Variants in ESPNL observed in about 807,000 individuals in gnomAD.
ESPNL encodes espin like, also known as espin-like protein.
Under a neutral mutation model 46.8 loss-of-function variants are expected in ESPNL, and 49 were observed. That is an observed-to-expected ratio of 1.05 (90% CI 0.83 to 1.33). The LOEUF (loss-of-function observed/expected upper bound fraction) is 1.33, where lower values mean the gene tolerates loss of function less well. Ranked by LOEUF, ESPNL falls within the 40% of genes most tolerant of loss-of-function variation. ESPNL has a pLI of 0.00. For synonymous variants in ESPNL, 664 were observed against 662.1 expected (o/e 1.00, Z -0.04); for missense variants, 1,540 against 1,436.6 (o/e 1.07, Z -1.16).
Position 238,100,694 on chromosome 2 carries a change from A to T in ESPNL, c.275A>T (p.Glu92Val). 7.0e-7 allele frequency: 1 copy of T among 1,429,224 alleles called. No homozygotes were observed. Among genetic ancestry groups the T allele is most frequent in the South Asian group, 1.5e-5 (1 of 66,758 alleles). 88.5% of individuals were successfully genotyped at this position (1,429,224 alleles called of 1,614,324 possible). Residue 92 changes from glutamate to valine, a missense_variant, in exon 1 of 9, where the codon GAG becomes GTG. Physicochemically the swap from Glu to Val is moderately radical, Grantham distance 121. Coordinates refer to ENST00000343063, the MANE Select transcript of ESPNL (RefSeq NM_194312.4). ...SLAELCWLVREGGCGLQDQDA... is the reference protein window; with the variant it reads ...SLAELCWLVRVGGCGLQDQDA... Reference sequence around the variant, plus strand: ...GCCGAGCTGTGCTGGCTGGTCCGCGAGGGGGGCTGCGGTCTGCAGGTGAGC... The same window carrying T: ...GCCGAGCTGTGCTGGCTGGTCCGCGTGGGGGGCTGCGGTCTGCAGGTGAGC...
At position 238,130,381 on chromosome 2, in the gene ESPNL, C is replaced by A; in HGVS notation, c.1667C>A (p.Pro556His). The change falls in exon 9 of 9, where the codon CCC (proline) becomes CAC (histidine). Residue 556 changes from proline to histidine, a missense_variant. Coordinates refer to ENST00000343063, the MANE Select transcript of ESPNL (RefSeq NM_194312.4). ...VSITVNSHFL[P>H]RAPGLEVEEA... The stretch of plus-strand genomic sequence containing the variant: ...ATCACGGTCAACAGCCACTTCCTGC[C>A]CCGGGCGCCCGGACTGGAGGTTGAG... 1 of 1,610,794 alleles carries A rather than the reference C, an allele frequency of 6.2e-7. No homozygotes were observed. Among genetic ancestry groups the A allele is most frequent in the Non-Finnish European group, 8.5e-7 (1 of 1,179,156 alleles).
rs557466905 is a variant in ESPNL at position 238,110,929 on chromosome 2, A to G, written c.855+2956A>G. On this transcript the variant is annotated intron_variant, in intron 4 of 8. Coordinates refer to ENST00000343063, the MANE Select transcript of ESPNL (RefSeq NM_194312.4). Reference sequence around the variant, plus strand: ...TTACTTTTAATAGGTTTTGTGTTTCAGTATATCACATTAGTTATTCTTTTT... The same window carrying G: ...TTACTTTTAATAGGTTTTGTGTTTCGGTATATCACATTAGTTATTCTTTTT... Among the ~76,000 whole-genome samples, 4 of 151,030 alleles carry G rather than the reference A, an allele frequency of 2.6e-5. No homozygotes were observed. In the East Asian group the frequency reaches 5.8e-4, roughly 22 times the overall value.
chr2:238,105,099 C>T (rs1013057116), intron 3 of ESPNL, among the ~76,000 whole-genome samples: 2 of 152,150 alleles, frequency 1.3e-5, no homozygotes, highest in Non-Finnish European at 2.9e-5. Context: ...TAGTCCCTCT[C>T]TCCCTGGAAG....
chr2:238,129,140 C>G, intron 8 of ESPNL: 1 of 1,396,604 alleles, frequency 7.2e-7, no homozygotes, highest in Non-Finnish European at 9.3e-7. Flanking sequence ...TTCCACTTGG[C>G]GGATTTGTGG....
intron 7 of ESPNL, 37 bp from the exon 8 acceptor site, chr2:238,128,670 C>T (rs771116621): frequency 3.9e-6 from 6 of 1,549,854 alleles, no homozygotes; most frequent in Non-Finnish European, 4.4e-6. Flanking sequence ...GGCCTGGGTC[C>T]CCTTCGGGCC....
chr2:238,122,774 C>T (rs1391127981), intron 5 of ESPNL, among the ~76,000 whole-genome samples: 1 of 152,196 alleles, frequency 6.6e-6, no homozygotes. Flanking sequence ...TTGGTCCTGG[C>T]TGGGCAGGGG....
At chr2:238,118,169 G>T (rs1486772799) in intron 5 of ESPNL, among the ~76,000 whole-genome samples, 3 of 144,712 alleles carry the variant, frequency 2.1e-5, no homozygotes, top group Admixed American at 2.0e-4. Flanking sequence ...AGGAGGAATG[G>T]ATGGAGGAAT....
In ESPNL at chr2:238,131,658, A is replaced by C. The variant is rs762474579; in HGVS notation, c.2944A>C (p.Ile982Leu). 4 of 1,604,846 alleles carry C rather than the reference A, an allele frequency of 2.5e-6. No homozygotes were observed. The highest frequency in any genetic ancestry group is 2.6e-6 in the Non-Finnish European group (3 of 1,173,418). Reference sequence around the variant, plus strand: ...GCAGGGCAGCTTCAACGGTGAGGACATCTGCGGCTACATCAACCGCAGCTT... The same window carrying C: ...GCAGGGCAGCTTCAACGGTGAGGACCTCTGCGGCTACATCAACCGCAGCTT... Reference protein sequence around the residue: ...SQQGSFNGEDICGYINRSFAF... With the variant: ...SQQGSFNGEDLCGYINRSFAF... The change falls in exon 9 of 9, where the codon ATC becomes CTC. Residue 982 changes from isoleucine (I) to leucine (L), a missense_variant. Physicochemically the swap from Ile to Leu is conservative, Grantham distance 5. Transcript: ENST00000343063.
intron 2 of ESPNL, 109 bp from the exon 3 acceptor site, chr2:238,104,547 A>T: frequency 8.0e-7 from 1 of 1,244,162 alleles, no homozygotes; most frequent in Non-Finnish European, 1.1e-6. Flanking sequence ...CATGTGGGAA[A>T]CTCAGTCATC....
intron 3 of ESPNL, 129 bp from the exon 4 acceptor site, chr2:238,107,662 T>G: frequency 3.1e-6 from 3 of 953,084 alleles, no homozygotes. Flanking sequence ...GTCCGGGGTT[T>G]CCTGAGGTTG....
intron 5 of ESPNL, among the ~76,000 whole-genome samples, chr2:238,123,739 G>C (rs959766067): frequency 1.3e-5 from 2 of 152,204 alleles, no homozygotes; most frequent in Non-Finnish European, 2.9e-5. Context: ...GAGGGCCTCC[G>C]GGGCTGGGGC....
At chr2:238,123,639 T>C (rs1692035750) in intron 5 of ESPNL, among the ~76,000 whole-genome samples, 1 of 152,128 alleles carries the variant, frequency 6.6e-6, no homozygotes, top group African/African-American at 2.4e-5. Context: ...CAAATATTCA[T>C]GTGACACCTC....
intron 4 of ESPNL, among the ~76,000 whole-genome samples, chr2:238,115,798 A>C (rs2106469756): frequency 6.6e-6 from 1 of 152,238 alleles, no homozygotes; most frequent in African/African-American, 2.4e-5. Context: ...TCAGCCTCCT[A>C]AGTAGCTGGG....
Position 238,130,354 on chromosome 2 carries a change from G to A in ESPNL, c.1640G>A (p.Ser547Asn). ...LQALLPEPLVSITVNSHFLPR... is the reference protein window; with the variant it reads ...LQALLPEPLVNITVNSHFLPR... ...GCCCTGCTGCCCGAGCCCCTGGTCA[G>A]CATCACGGTCAACAGCCACTTCCTG... Residue 547 changes from serine (S) to asparagine (N), a missense_variant, in exon 9 of 9, where the codon AGC becomes AAC. Coordinates refer to ENST00000343063, the MANE Select transcript of ESPNL (RefSeq NM_194312.4). 6.2e-7 allele frequency: 1 copy of A among 1,610,104 alleles called. No individual in the cohort carries two copies. The highest frequency in any genetic ancestry group is 8.5e-7 in the Non-Finnish European group (1 of 1,178,848).
chr2:238,113,935 C>A lies in ESPNL; in HGVS notation c.856-2968C>A, dbSNP rs148991034. Among the ~76,000 whole-genome samples the A allele has an allele frequency of 5.1e-3, 778 of 152,330 alleles. 10 individuals are homozygous for A. Among genetic ancestry groups the A allele is most frequent in the Middle Eastern group, 6.8e-3 (2 of 294 alleles). On this transcript the variant is annotated intron_variant, in intron 4 of 8. Coordinates refer to ENST00000343063, the MANE Select transcript of ESPNL (RefSeq NM_194312.4). Reference sequence around the variant, plus strand: ...GGGCTCCCCGACACCCCTCACCCCCCAGGCTTTCCTTTTCTCCTGAGTGTG... The same window carrying A: ...GGGCTCCCCGACACCCCTCACCCCCAAGGCTTTCCTTTTCTCCTGAGTGTG...
At chr2:238,119,544 AGGAGGTGGATGAAGGAGGAATGGATG>A in intron 5 of ESPNL, among the ~76,000 whole-genome samples, 1 of 115,654 alleles carries the variant, frequency 8.6e-6, no homozygotes, top group African/African-American at 3.9e-5. Context: ...AGGTGGATGG[AGGAGGTGGATGAAGGAGGAATGGATG>A]GAGGAGGTGG....
In ESPNL at chr2:238,130,224, G is replaced by A; in HGVS notation, c.1510G>A (p.Glu504Lys). The change falls in exon 9 of 9, where the codon GAG (glutamate) becomes AAG (lysine). Residue 504 changes from glutamate (E) to lysine (K), a missense_variant. Glu to Lys is a moderately conservative substitution (Grantham distance 56). Transcript: ENST00000343063. ...GGGGCCCTTTGGGGAGCTGCTGACA[G>A]AGGATGACCTGGTCTACCTGGAGAA... ...ILGPFGELLT[E>K]DDLVYLEKQI... The A allele has an allele frequency of 2.5e-6, 4 of 1,611,922 alleles. No individual in the cohort carries two copies. The highest frequency in any genetic ancestry group is 2.5e-6 in the Non-Finnish European group (3 of 1,179,508).
Position 238,104,842 on chromosome 2 carries a change from G to A in ESPNL, c.672G>A (p.Leu224=). Residue 224 remains leucine (L), a splice_region_variant and synonymous_variant, in exon 3 of 9, where the codon CTG becomes CTA. Coordinates refer to ENST00000343063, the MANE Select transcript of ESPNL (RefSeq NM_194312.4). ...ARGHYSLVVW[L]VTFTDIGLTA... is the part of the protein sequence containing the mutation. ...GCCACTACTCCCTCGTCGTCTGGCT[G>A]GTAAGTGGGTGCCAGAGGTGGGAAG... 6.7e-7 allele frequency: 1 copy of A among 1,495,364 alleles called. No individual in the cohort carries two copies. The highest frequency in any genetic ancestry group is 8.9e-7 in the Non-Finnish European group (1 of 1,119,482). 92.6% of individuals were successfully genotyped at this position (1,495,364 alleles called of 1,614,324 possible).
At chr2:238,127,368 G>C in intron 6 of ESPNL, 1 of 1,280,668 alleles carries the variant, frequency 7.8e-7, no homozygotes, top group East Asian at 3.3e-5. Context: ...CCCTGCTGCA[G>C]GAGGGGCCGC....
Sources: allele counts gnomAD v4.1 joint callset (sites outside exome capture counted in the v4.1 genomes callset), GRCh38; gene constraint gnomAD v4.1.1; transcripts MANE v1.5; gene names NCBI Gene and HGNC (gene_info 2026-07-23, HGNC 2026-07-21).